SORCS1: variants seen among roughly 807,000 people sequenced by gnomAD.
SORCS1 encodes the protein sortilin related VPS10 domain containing receptor 1.
A neutral mutation model predicts 146.1 loss-of-function variants in SORCS1; 60 were observed. The observed-to-expected ratio is 0.41, with a 90% CI of 0.33 to 0.51. SORCS1 has a LOEUF of 0.51. SORCS1 is among the 20% of genes least tolerant of loss of function. The pLI is 0.21. For synonymous variants in SORCS1, 637 were observed against 584.0 expected, an observed-to-expected ratio of 1.09 and a Z score of -1.31; for missense variants, 1,352 against 1,487.6, an observed-to-expected ratio of 0.91 and a Z score of 1.50.
intron 3 of SORCS1, among the ~76,000 whole-genome samples, chr10:106,806,085 G>A (rs1244456486): frequency 2.5e-5 from 3 of 121,336 alleles, no homozygotes; most frequent in East Asian, 2.5e-4. Flanking sequence ...AAATCATGGA[G>A]TAGGCCGGGC....
At chr10:106,628,235 T>C (rs1255097833) in intron 19 of SORCS1, among the ~76,000 whole-genome samples, 1 of 152,188 alleles carries the variant, frequency 6.6e-6, no homozygotes, top group Non-Finnish European at 1.5e-5. Flanking sequence ...CACCTTTTTG[T>C]CATCCCCTAA....
chr10:106,803,787 G>C (rs1298114680), intron 3 of SORCS1, among the ~76,000 whole-genome samples: 3 of 152,192 alleles, frequency 2.0e-5, no homozygotes, highest in Non-Finnish European at 4.4e-5. Context: ...CAATGAAATA[G>C]ATTACTGTGC....
intron 18 of SORCS1, among the ~76,000 whole-genome samples, chr10:106,634,406 A>G (rs569119471): frequency 1.1e-4 from 16 of 152,336 alleles, no homozygotes; most frequent in African/African-American, 3.8e-4. Flanking sequence ...TAGGAGATAG[A>G]AAGGACAGAT....
Position 107,014,283 on chromosome 10 carries a change from AAAG to A in SORCS1, c.559-57706_559-57704del, listed in dbSNP as rs1381452209. On this transcript the variant is annotated intron_variant, in intron 1 of 25. Coordinates refer to ENST00000263054, the MANE Select transcript of SORCS1 (RefSeq NM_052918.5). Reference sequence around the variant, plus strand: ...AAAAAAAAAAAAAAAGAAAAGAAAAAAAGAGAGAGAGAGAGAGAGAGAAAGAAA... The same window carrying A: ...AAAAAAAAAAAAAAAGAAAAGAAAAAAGAGAGAGAGAGAGAGAGAAAGAAA... Among the ~76,000 whole-genome samples, 34 of 147,808 alleles carry A rather than the reference AAAG, an allele frequency of 2.3e-4. 2 individuals are homozygous for A. Among genetic ancestry groups the A allele is most frequent in the Admixed American group, 7.3e-4 (11 of 15,072 alleles).
chr10:106,850,188 G>A lies in SORCS1; in HGVS notation c.627-20515C>T, dbSNP rs534821829. Among the ~76,000 whole-genome samples, 580 of 151,880 alleles carry A rather than the reference G, an allele frequency of 3.8e-3. 9 individuals are homozygous for A. Among genetic ancestry groups the A allele is most frequent in the African/African-American group, 0.014 (562 of 41,472 alleles). On this transcript the variant is annotated intron_variant, in intron 2 of 25. Transcript: ENST00000263054. Reference sequence around the variant, plus strand: ...TGGCGGGCGCCCCTCCCCCAGCCTCGCTGCCGCCTTGCAGTTTGATCTCAG... The same window carrying A: ...TGGCGGGCGCCCCTCCCCCAGCCTCACTGCCGCCTTGCAGTTTGATCTCAG...
chr10:106,889,415 C>T (rs1294711741), intron 2 of SORCS1, among the ~76,000 whole-genome samples: 1 of 152,148 alleles, frequency 6.6e-6, no homozygotes, highest in African/African-American at 2.4e-5. Context: ...TCACACCATA[C>T]ACCATCCATA....
intron 2 of SORCS1, among the ~76,000 whole-genome samples, chr10:106,843,179 G>A (rs1002506620): frequency 3.3e-5 from 5 of 152,056 alleles, no homozygotes; most frequent in Admixed American, 3.3e-4. Flanking sequence ...TTACTATGTT[G>A]TAAATGAAGT....
At chr10:106,615,362 A>C (rs940813341) in intron 21 of SORCS1, among the ~76,000 whole-genome samples, 5 of 152,188 alleles carry the variant, frequency 3.3e-5, no homozygotes, top group African/African-American at 9.7e-5. Flanking sequence ...ATCACACTGG[A>C]AACCCACGTG....
At chr10:106,940,461 G>A (rs898968111) in intron 2 of SORCS1, among the ~76,000 whole-genome samples, 13 of 152,332 alleles carry the variant, frequency 8.5e-5, no homozygotes, top group African/African-American at 3.1e-4. Context: ...AAAGGTAAGA[G>A]ATGAATAGAA....
In SORCS1 at chr10:106,621,505, C is replaced by G. The variant is rs1220428148; in HGVS notation, c.2663-944G>C. The stretch of plus-strand genomic sequence containing the variant: ...TTGAGACTTTTTCACTCTCTACAGA[C>G]TTTTCTACTAGGCAACACCATCCAC... On this transcript the variant is annotated intron_variant, in intron 19 of 25. Transcript: ENST00000263054. Among the ~76,000 whole-genome samples the G allele has an allele frequency of 8.6e-5, 13 of 151,724 alleles. No homozygotes were observed. The East Asian group carries it at 2.6e-3, about 30-fold the overall frequency.
At chr10:106,759,260 A>T (rs1452509665) in intron 5 of SORCS1, among the ~76,000 whole-genome samples, 1 of 152,202 alleles carries the variant, frequency 6.6e-6, no homozygotes, top group Admixed American at 6.5e-5. Flanking sequence ...GGAGGAATCA[A>T]GAGGAGATAC....
At chr10:106,986,063 T>C (rs781587625) in intron 1 of SORCS1, among the ~76,000 whole-genome samples, 1 of 152,154 alleles carries the variant, frequency 6.6e-6, no homozygotes, top group Admixed American at 6.5e-5. Flanking sequence ...TATTAGGTGA[T>C]AGTCATGTCA....
intron 1 of SORCS1, among the ~76,000 whole-genome samples, chr10:107,009,074 T>C (rs1957578700): frequency 6.6e-6 from 1 of 152,246 alleles, no homozygotes; most frequent in South Asian, 2.1e-4. Context: ...CATACAGAGA[T>C]ACCAGGAAGA....
the SORCS1 span, among the ~76,000 whole-genome samples, chr10:107,180,075 C>T: frequency 6.6e-6 from 1 of 151,760 alleles, no homozygotes; most frequent in Admixed American, 6.6e-5. Context: ...TGCCACCATG[C>T]CTATCTAACT....
chr10:106,913,598 G>C (rs1952269488), intron 2 of SORCS1, among the ~76,000 whole-genome samples: 1 of 152,196 alleles, frequency 6.6e-6, no homozygotes, highest in African/African-American at 2.4e-5. Context: ...GTATGGTGAG[G>C]AGGTTATTAT....
chr10:106,644,660 C>T (rs141128519), intron 18 of SORCS1, among the ~76,000 whole-genome samples: 197 of 152,222 alleles, frequency 1.3e-3, no homozygotes, highest in African/African-American at 3.7e-3. Context: ...CCACCACACC[C>T]GGCCACCATG....
intron 6 of SORCS1, among the ~76,000 whole-genome samples, chr10:106,714,666 A>C (rs12248376): frequency 6.6e-6 from 1 of 152,180 alleles, no homozygotes; most frequent in East Asian, 1.9e-4. Context: ...CAGGAAAAAT[A>C]AATAAAAGAT....
intron 2 of SORCS1, among the ~76,000 whole-genome samples, chr10:106,907,950 C>G (rs1436794979): frequency 1.3e-5 from 2 of 151,896 alleles, no homozygotes; most frequent in Non-Finnish European, 2.9e-5. Flanking sequence ...ACTGAAATTA[C>G]TTTCTTGGGA....
intron 24 of SORCS1, among the ~76,000 whole-genome samples, chr10:106,589,894 T>C (rs909374257): frequency 2.6e-5 from 4 of 152,160 alleles, no homozygotes; most frequent in East Asian, 1.9e-4. Context: ...CAGCCTTTTT[T>C]TCATTTTCCA....
Sources: allele counts gnomAD v4.1 joint callset (sites outside exome capture counted in the v4.1 genomes callset), GRCh38; gene constraint gnomAD v4.1.1; transcripts MANE v1.5; gene names NCBI Gene and HGNC (gene_info 2026-07-23, HGNC 2026-07-21).